Variants in NKAIN1 observed in about 807,000 individuals in gnomAD.
The protein encoded by NKAIN1 is sodium/potassium-transporting ATPase subunit beta-1-interacting protein 1.
Under a neutral mutation model 31.6 loss-of-function variants are expected in NKAIN1, and 13 were observed. The observed-to-expected ratio is 0.41, with a 90% CI of 0.27 to 0.65. The LOEUF (loss-of-function observed/expected upper bound fraction) is 0.65, where lower values mean the gene tolerates loss of function less well. Ranked by LOEUF, NKAIN1 falls within the 30% of genes least tolerant of loss-of-function variation. The pLI, the probability that NKAIN1 is intolerant of heterozygous loss-of-function variation, is 0.30. For missense variants in NKAIN1, 193 were observed against 262.2 expected (o/e 0.74, Z 1.82); for synonymous variants, 104 against 109.0 (o/e 0.95, Z 0.28).
At chr1:31,183,436 CTTTTTTTT>C (rs3046278) in intron 4 of NKAIN1, among the ~76,000 whole-genome samples, 37 of 106,696 alleles carry the variant, frequency 3.5e-4, no homozygotes, top group African/African-American at 7.8e-4. Context: ...TTCATTCCCT[CTTTTTTTT>C]TTTTTTTTTT....
intron 1 of NKAIN1, chr1:31,188,510 T>G: frequency 3.9e-6 from 1 of 253,674 alleles, no homozygotes; most frequent in Non-Finnish European, 7.6e-6. Context: ...CTGCCACCCC[T>G]AGCCTTGGAG....
chr1:31,205,142 AT>A (rs59830593), intron 1 of NKAIN1, among the ~76,000 whole-genome samples: 4 of 150,184 alleles, frequency 2.7e-5, no homozygotes, highest in Non-Finnish European at 5.9e-5. Context: ...TGGACAAGCA[AT>A]TTTTTTTTTG....
At chr1:31,218,204 A>C (rs1326375162) in intron 1 of NKAIN1, among the ~76,000 whole-genome samples, 1 of 151,832 alleles carries the variant, frequency 6.6e-6, no homozygotes, top group East Asian at 1.9e-4. Flanking sequence ...CTGGGACTAC[A>C]GGTGCACACT....
chr1:31,209,742 G>C (rs558913695), intron 1 of NKAIN1, among the ~76,000 whole-genome samples: 1 of 152,112 alleles, frequency 6.6e-6, no homozygotes, highest in African/African-American at 2.4e-5. Flanking sequence ...ACTTGAACCT[G>C]GGAGGTCAAG....
At position 31,239,376 on chromosome 1, in the gene NKAIN1, G is replaced by C; in HGVS notation, c.54+118C>G. 1.4e-6 allele frequency: 1 copy of C among 698,104 alleles called. No individual in the cohort carries two copies. The highest frequency in any genetic ancestry group is 3.4e-5 in the South Asian group (1 of 29,266). The allele number at this position is 698,104 out of a possible 1,614,324, so 43.2% of individuals were successfully genotyped here. A position where few individuals can be genotyped will look rare whatever the true frequency, so the allele number is the denominator to read the frequency against. ...GCTCCGAGACTCCAGACCACCCCCC[G>C]CCCGGGCACACGCACCAGACACACA... is the stretch of plus-strand genomic sequence containing the variant. On this transcript the variant is annotated intron_variant, in intron 1 of 6. Transcript: ENST00000373736. The surrounding 1 kb of genome is among the most constrained non-coding windows in gnomAD (Gnocchi z 4.8).
At chr1:31,234,350 C>T (rs1645679542) in intron 1 of NKAIN1, among the ~76,000 whole-genome samples, 1 of 152,162 alleles carries the variant, frequency 6.6e-6, no homozygotes. Context: ...GCCCATCTCC[C>T]TTTGGTCTTC....
intron 1 of NKAIN1, among the ~76,000 whole-genome samples, chr1:31,213,925 T>C (rs1645489533): frequency 6.6e-6 from 1 of 151,680 alleles, no homozygotes; most frequent in African/African-American, 2.4e-5. Flanking sequence ...GCCCGGGAGA[T>C]TGAGGCTGCA....
In NKAIN1 at chr1:31,201,583, G is replaced by A. The variant is rs374217755; in HGVS notation, c.55-13396C>T. Among the ~76,000 whole-genome samples the A allele has an allele frequency of 4.6e-3, 699 of 152,024 alleles. 1 individual carries two copies. The highest frequency in any genetic ancestry group is 0.01 in the Middle Eastern group (3 of 294). ...TCACCGTGTTAGCCAGGATGGTCTC[G>A]ATCTCCTGACCTCGTGATCCTCCCT... On this transcript the variant is annotated intron_variant, in intron 1 of 6. Transcript: ENST00000373736.
At chr1:31,238,659 C>A (rs938244877) in intron 1 of NKAIN1, among the ~76,000 whole-genome samples, 2 of 152,150 alleles carry the variant, frequency 1.3e-5, no homozygotes, top group Admixed American at 1.3e-4. Flanking sequence ...ATGCTCTGGT[C>A]CTCCCTAGGG....
intron 1 of NKAIN1, among the ~76,000 whole-genome samples, chr1:31,216,690 T>TTTTTTTTA (rs1553163510): frequency 7.1e-6 from 1 of 140,490 alleles, no homozygotes; most frequent in Non-Finnish European, 1.5e-5. Flanking sequence ...TGGCATTGAC[T>TTTTTTTTA]TTTATTTATT....
At chr1:31,198,918 C>T (rs1214431881) in intron 1 of NKAIN1, among the ~76,000 whole-genome samples, 4 of 152,296 alleles carry the variant, frequency 2.6e-5, no homozygotes, top group African/African-American at 9.6e-5. Flanking sequence ...ATGGGCCCAC[C>T]CTAGCTCCAG....
At chr1:31,189,939 A>G (rs1415458584) in intron 1 of NKAIN1, among the ~76,000 whole-genome samples, 1 of 152,178 alleles carries the variant, frequency 6.6e-6, no homozygotes. Context: ...AGGTACAGAG[A>G]GAGTGTGTGT....
chr1:31,236,827 A>C (rs1164251878), intron 1 of NKAIN1, among the ~76,000 whole-genome samples: 1 of 152,136 alleles, frequency 6.6e-6, no homozygotes, highest in Non-Finnish European at 1.5e-5. Flanking sequence ...GGAGGCAGAG[A>C]GACACTCTAC....
chr1:31,239,387 C>T lies in NKAIN1; in HGVS notation c.54+107G>A. 2.5e-6 allele frequency: 2 copies of T among 806,956 alleles called. No homozygotes were observed. Among genetic ancestry groups the T allele is most frequent in the Non-Finnish European group, 3.4e-6 (2 of 582,736 alleles). 50.0% of individuals were successfully genotyped at this position (806,956 alleles called of 1,614,324 possible). On this transcript the variant is annotated intron_variant, in intron 1 of 6. Transcript: ENST00000373736. This position sits in a 1 kb window ranked among gnomAD's most constrained non-coding sequence, Gnocchi z 4.8. ...CCAGACCACCCCCCGCCCGGGCACA[C>T]GCACCAGACACACACACAGAGACAC...
chr1:31,239,442 G>A lies in NKAIN1; in HGVS notation c.54+52C>T. 2 of 1,379,872 alleles carry A rather than the reference G, an allele frequency of 1.4e-6. No homozygotes were observed. Among genetic ancestry groups the A allele is most frequent in the South Asian group, 1.5e-5 (1 of 68,776 alleles). The allele number at this position is 1,379,872 out of a possible 1,614,324, so 85.5% of individuals were successfully genotyped here. On this transcript the variant is annotated intron_variant, in intron 1 of 6. Coordinates refer to ENST00000373736, the MANE Select transcript of NKAIN1 (RefSeq NM_024522.3). This position sits in a 1 kb window ranked among gnomAD's most constrained non-coding sequence, Gnocchi z 4.8. ...AACCCCACCCGCACGCCCTGGGACCGCGCCCCGCCGCGCCCCACCCTGCCC... is the reference window on the plus strand; with the variant it reads ...AACCCCACCCGCACGCCCTGGGACCACGCCCCGCCGCGCCCCACCCTGCCC...
At chr1:31,224,460 C>T (rs1055648280) in intron 1 of NKAIN1, among the ~76,000 whole-genome samples, 2 of 152,268 alleles carry the variant, frequency 1.3e-5, no homozygotes, top group Admixed American at 6.5e-5. Flanking sequence ...CATCCTAAAT[C>T]GAAAATGCAT....
intron 1 of NKAIN1, among the ~76,000 whole-genome samples, chr1:31,228,620 C>A (rs1258223107): frequency 6.6e-6 from 1 of 152,092 alleles, no homozygotes; most frequent in Non-Finnish European, 1.5e-5. Flanking sequence ...TTCTTTCTTG[C>A]TTTTTTTCAT....
chr1:31,231,832 T>G (rs1645652193), intron 1 of NKAIN1, among the ~76,000 whole-genome samples: 1 of 151,750 alleles, frequency 6.6e-6, no homozygotes, highest in African/African-American at 2.4e-5. Context: ...ACCTGGCGAG[T>G]TCAATTGTTT....
At chr1:31,229,589 A>T (rs1336350778) in intron 1 of NKAIN1, among the ~76,000 whole-genome samples, 2 of 151,918 alleles carry the variant, frequency 1.3e-5, no homozygotes, top group East Asian at 3.9e-4. Flanking sequence ...CTTGTTACCC[A>T]GGCTGGAGTG....
Sources: allele counts gnomAD v4.1 joint callset (sites outside exome capture counted in the v4.1 genomes callset), GRCh38; gene constraint gnomAD v4.1.1; non-coding constraint Gnocchi (gnomAD v3.1); transcripts MANE v1.5; gene names NCBI Gene and HGNC (gene_info 2026-07-23, HGNC 2026-07-21).